TMPRSS12: variants seen among roughly 807,000 people sequenced by gnomAD.
The protein encoded by TMPRSS12 is transmembrane serine protease 12, also known as transmembrane protease serine 12.
A neutral mutation model predicts 26.0 loss-of-function variants in TMPRSS12; 25 were observed. The ratio of observed to expected loss-of-function variants is 0.96; its 90% confidence interval spans 0.70 to 1.34. The LOEUF is 1.34. TMPRSS12 is among the 40% of genes most tolerant of loss of function. The pLI, the probability that TMPRSS12 is intolerant of heterozygous loss-of-function variation, is 0.00. For synonymous variants in TMPRSS12, 150 were observed against 161.7 expected (o/e 0.93, Z 0.55); for missense variants, 441 against 440.1 (o/e 1.00, Z -0.02).
rs143336006 is a variant in TMPRSS12, at chr12:50,879,059, C to T, written c.653-6187C>T. Among the ~76,000 whole-genome samples, 244 of 152,260 alleles carry T rather than the reference C, an allele frequency of 1.6e-3. 1 individual carries two copies. The highest frequency in any genetic ancestry group is 5.6e-3 in the African/African-American group (233 of 41,556). On this transcript the variant is annotated intron_variant, in intron 3 of 4. Coordinates refer to ENST00000398458, the MANE Select transcript of TMPRSS12 (RefSeq NM_182559.3). ...TGCCTTGATCTTCAATTTCAGCATCCAGAATTGTGAGAAATAAATTCCTGT... is the reference window on the plus strand; with the variant it reads ...TGCCTTGATCTTCAATTTCAGCATCTAGAATTGTGAGAAATAAATTCCTGT...
At chr12:50,847,517 T>C (rs1341610833) in intron 2 of TMPRSS12, among the ~76,000 whole-genome samples, 1 of 152,146 alleles carries the variant, frequency 6.6e-6, no homozygotes, top group Admixed American at 6.6e-5. Context: ...TCGCTCTTGT[T>C]GCCTAGGCTG....
At chr12:50,861,464 G>A (rs960869886) in intron 3 of TMPRSS12, among the ~76,000 whole-genome samples, 1 of 150,016 alleles carries the variant, frequency 6.7e-6, no homozygotes, top group African/African-American at 2.4e-5. Flanking sequence ...AAGGAACATG[G>A]GCTTTAGATT....
At chr12:50,848,402 G>A (rs1027639051) in intron 2 of TMPRSS12, 1 of 152,148 alleles carries the variant, frequency 6.6e-6, no homozygotes, top group Non-Finnish European at 1.5e-5. Flanking sequence ...TCAAAGCACT[G>A]GATTCTGATA....
At chr12:50,881,229 C>T (rs908045073) in intron 3 of TMPRSS12, among the ~76,000 whole-genome samples, 4 of 151,970 alleles carry the variant, frequency 2.6e-5, no homozygotes, top group Middle Eastern at 3.4e-3. Flanking sequence ...GTAATCTGCC[C>T]GCCTCAGCCT....
intron 3 of TMPRSS12, among the ~76,000 whole-genome samples, chr12:50,877,680 A>C (rs540936070): frequency 1.4e-4 from 21 of 152,332 alleles, no homozygotes; most frequent in African/African-American, 4.6e-4. Flanking sequence ...AGCTCACTGC[A>C]ATCTCTGCCT....
chr12:50,878,530 A>C lies in TMPRSS12; in HGVS notation c.653-6716A>C, dbSNP rs1030364306. On this transcript the variant is annotated intron_variant, in intron 3 of 4. Coordinates refer to ENST00000398458, the MANE Select transcript of TMPRSS12 (RefSeq NM_182559.3). The stretch of plus-strand genomic sequence containing the variant: ...GAGTTTGAGGCTTCAGTGAGCCATG[A>C]TCATGTCACTGCACTTCAGTCTTGG... Among the ~76,000 whole-genome samples, 3 of 152,280 alleles carry C rather than the reference A, an allele frequency of 2.0e-5. No homozygotes were observed. In the East Asian group the frequency reaches 5.8e-4, roughly 29 times the overall value.
chr12:50,843,337 T>C (rs1274730270), intron 1 of TMPRSS12, among the ~76,000 whole-genome samples, 186 bp downstream of exon 1: 1 of 152,198 alleles, frequency 6.6e-6, no homozygotes, highest in Non-Finnish European at 1.5e-5. Flanking sequence ...CACATTTGTA[T>C]TGTGAATCTG....
chr12:50,887,613 A>G lies in TMPRSS12; in HGVS notation c.*100A>G. 5 of 1,434,906 alleles carry G rather than the reference A, an allele frequency of 3.5e-6. No individual in the cohort carries two copies. In the South Asian group the frequency reaches 5.6e-5, roughly 16 times the overall value. 88.9% of individuals were successfully genotyped at this position (1,434,906 alleles called of 1,614,324 possible). On this transcript the variant is annotated 3_prime_UTR_variant, in exon 5 of 5. Coordinates refer to ENST00000398458, the MANE Select transcript of TMPRSS12 (RefSeq NM_182559.3). ...ATTCTTCTAGCAATTAATTGCCTAC[A>G]TTAGAGATTTCATGTGAACATTTTA...
At chr12:50,882,286 TAAAAAA>T (rs59323134) in intron 3 of TMPRSS12, among the ~76,000 whole-genome samples, 2 of 58,526 alleles carry the variant, frequency 3.4e-5, no homozygotes, top group Middle Eastern at 0.015. Context: ...CCCATCTCTC[TAAAAAA>T]AAAAAAAAAA....
intron 3 of TMPRSS12, among the ~76,000 whole-genome samples, chr12:50,878,740 A>G (rs1189306165): frequency 6.6e-6 from 1 of 152,178 alleles, no homozygotes; most frequent in African/African-American, 2.4e-5. Flanking sequence ...GGACAACTGG[A>G]TATCCTTACG....
intron 3 of TMPRSS12, among the ~76,000 whole-genome samples, chr12:50,884,482 C>T (rs1938204049): frequency 1.3e-5 from 2 of 152,126 alleles, no homozygotes; most frequent in Admixed American, 1.3e-4. Flanking sequence ...TGGGATGACA[C>T]ACAAGGATGA....
intron 3 of TMPRSS12, among the ~76,000 whole-genome samples, chr12:50,878,146 C>T (rs1310121309): frequency 6.6e-6 from 1 of 150,526 alleles, no homozygotes; most frequent in Non-Finnish European, 1.5e-5. Context: ...ACAAGCCGAT[C>T]CTAAAATGTA....
chr12:50,851,565 C>T (rs1269082980), intron 2 of TMPRSS12, among the ~76,000 whole-genome samples: 1 of 152,148 alleles, frequency 6.6e-6, no homozygotes, highest in Non-Finnish European at 1.5e-5. Flanking sequence ...ACCAAACCTA[C>T]AACTCATTGA....
intron 3 of TMPRSS12, among the ~76,000 whole-genome samples, chr12:50,874,200 G>C (rs1938092521): frequency 6.6e-6 from 1 of 152,034 alleles, no homozygotes; most frequent in African/African-American, 2.4e-5. Context: ...ATAGAGAAGG[G>C]AGTATTTCCC....
Position 50,880,966 on chromosome 12 carries a change from C to CTTTTTTTTT in TMPRSS12, c.653-4255_653-4247dup, listed in dbSNP as rs869152225. The stretch of plus-strand genomic sequence containing the variant: ...CTATAGAGACAGGAATCAGTAATTT[C>CTTTTTTTTT]TTTTTTTTTTTTTTTTTTTTTTTTT... On this transcript the variant is annotated intron_variant, in intron 3 of 4. Transcript: ENST00000398458. Among the ~76,000 whole-genome samples, 47 of 61,806 alleles carry CTTTTTTTTT rather than the reference C, an allele frequency of 7.6e-4. 2 individuals carry two copies. Among genetic ancestry groups the CTTTTTTTTT allele is most frequent in the Non-Finnish European group, 1.0e-3 (36 of 34,864 alleles). The allele number at this position is 61,806 out of a possible 152,430, so 40.5% of individuals were successfully genotyped here.
intron 2 of TMPRSS12, 83 bp from the exon 3 acceptor site, chr12:50,858,700 CAT>C (rs1937904645): frequency 1.1e-5 from 12 of 1,081,504 alleles, no homozygotes; most frequent in Non-Finnish European, 1.5e-5. Flanking sequence ...ATTAATCTAA[CAT>C]GAGAAGAAAA....
intron 3 of TMPRSS12, among the ~76,000 whole-genome samples, chr12:50,867,275 A>C (rs919720300): frequency 1.3e-5 from 2 of 152,246 alleles, no homozygotes; most frequent in Non-Finnish European, 2.9e-5. Context: ...GGAAATAGAT[A>C]GCATCAAGAA....
chr12:50,882,107 A>G (rs1438368639), intron 3 of TMPRSS12, among the ~76,000 whole-genome samples: 1 of 143,292 alleles, frequency 7.0e-6, no homozygotes, highest in Non-Finnish European at 1.5e-5. Flanking sequence ...ATTGAAGAAT[A>G]AAGTCTGAAC....
chr12:50,868,998 G>A (rs1421526717), intron 3 of TMPRSS12, among the ~76,000 whole-genome samples: 1 of 151,902 alleles, frequency 6.6e-6, no homozygotes, highest in Non-Finnish European at 1.5e-5. Context: ...CAGCAAAGGT[G>A]GTGCTAAGAG....
Sources: gnomAD v4.1 joint callset for allele counts (sites outside exome capture counted in the v4.1 genomes callset) on GRCh38, gnomAD v4.1.1 for gene constraint, MANE v1.5 for transcripts, NCBI Gene and HGNC (gene_info 2026-07-23, HGNC 2026-07-21) for gene names.